The following PXDNL variants were observed in gnomAD, a reference collection of about 807,000 sequenced individuals.
PXDNL encodes probable oxidoreductase PXDNL.
Under a neutral mutation model 150.8 loss-of-function variants are expected in PXDNL, and 145 were observed. The observed-to-expected ratio is 0.96, with a 90% CI of 0.84 to 1.10. The LOEUF is 1.10. Among genes scored for constraint, PXDNL ranks in the 50% least tolerant of loss-of-function variants. The pLI, the probability that PXDNL is intolerant of heterozygous loss-of-function variation, is 0.00. For synonymous variants in PXDNL, 757 were observed against 725.7 expected (o/e 1.04, Z -0.69); for missense variants, 2,087 against 1,873.9 (o/e 1.11, Z -2.10).
At chr8:51,645,374 G>A (rs574244742) in intron 2 of PXDNL, among the ~76,000 whole-genome samples, 4 of 152,238 alleles carry the variant, frequency 2.6e-5, no homozygotes, top group African/African-American at 7.2e-5. Flanking sequence ...GGCATCCTGC[G>A]CCCTGATTAA....
rs909057135 is a variant in PXDNL, at chr8:51,697,356, G to A, written c.165-42596C>T. ...AAGAAATATACTAAATAAGGAAATA[G>A]CAAAGGTAATTATTTTTATTTTCAA... is the stretch of plus-strand genomic sequence containing the variant. On this transcript the variant is annotated intron_variant, in intron 1 of 22. Transcript: ENST00000356297. Among the ~76,000 whole-genome samples the A allele has an allele frequency of 5.6e-4, 85 of 152,132 alleles. 1 individual carries two copies. Among genetic ancestry groups the A allele is most frequent in the Non-Finnish European group, 5.9e-5 (4 of 67,996 alleles).
intron 2 of PXDNL, among the ~76,000 whole-genome samples, chr8:51,639,908 A>T (rs1164109643): frequency 6.6e-6 from 1 of 152,144 alleles, no homozygotes; most frequent in East Asian, 1.9e-4. Context: ...CAAAAAAGAG[A>T]ATTTTAGACC....
chr8:51,615,483 A>AT (rs1336005458), intron 2 of PXDNL, among the ~76,000 whole-genome samples: 1 of 152,148 alleles, frequency 6.6e-6, no homozygotes, highest in Non-Finnish European at 1.5e-5. Flanking sequence ...AGCAAAATTA[A>AT]TTTTTTTAGC....
intron 1 of PXDNL, among the ~76,000 whole-genome samples, chr8:51,768,945 G>GA (rs1485100551): frequency 6.6e-6 from 1 of 152,050 alleles, no homozygotes; most frequent in African/African-American, 2.4e-5. Flanking sequence ...AATAAAAAAT[G>GA]AAAAAAATTA....
chr8:51,336,101 G>A (rs1805824679), intron 21 of PXDNL, among the ~76,000 whole-genome samples: 1 of 152,072 alleles, frequency 6.6e-6, no homozygotes, highest in African/African-American at 2.4e-5. Flanking sequence ...CTGAAGTTTG[G>A]AATCCCCTCA....
chr8:51,397,564 G>A (rs1586069425), intron 17 of PXDNL, among the ~76,000 whole-genome samples: 1 of 152,090 alleles, frequency 6.6e-6, no homozygotes. Flanking sequence ...TAATATGGAG[G>A]TTGCACACAT....
intron 19 of PXDNL, among the ~76,000 whole-genome samples, chr8:51,365,823 C>T (rs1806898209): frequency 6.6e-6 from 1 of 152,136 alleles, no homozygotes; most frequent in African/African-American, 2.4e-5. Flanking sequence ...GGTTTTTAAA[C>T]AAAATTATGG....
chr8:51,420,634 C>T (rs1000424853), intron 14 of PXDNL, among the ~76,000 whole-genome samples: 1 of 152,182 alleles, frequency 6.6e-6, no homozygotes, highest in Non-Finnish European at 1.5e-5. Context: ...TCATTGAATG[C>T]TATCACTATT....
intron 2 of PXDNL, among the ~76,000 whole-genome samples, chr8:51,627,761 C>T (rs938710465): frequency 3.3e-5 from 5 of 152,194 alleles, no homozygotes; most frequent in African/African-American, 1.2e-4. Flanking sequence ...CACCCCCATC[C>T]TGGGTTCAAA....
Position 51,320,025 on chromosome 8 carries a change from G to C in PXDNL, c.4261-3C>G, listed in dbSNP as rs76949148. 4 of 1,496,228 alleles carry C rather than the reference G, an allele frequency of 2.7e-6. No individual in the cohort carries two copies. In the East Asian group the frequency reaches 9.7e-5, roughly 36 times the overall value. The allele number at this position is 1,496,228 out of a possible 1,614,324, so 92.7% of individuals were successfully genotyped here. On this transcript the variant is annotated splice_polypyrimidine_tract_variant and splice_region_variant and intron_variant, in intron 22 of 22. Coordinates refer to ENST00000356297, the MANE Select transcript of PXDNL (RefSeq NM_144651.5). ...ACCACACAGGTGACCTGGCCACTCTGAAAGGCAGCATGCACATATCACCTC... is the reference window on the plus strand; with the variant it reads ...ACCACACAGGTGACCTGGCCACTCTCAAAGGCAGCATGCACATATCACCTC...
chr8:51,340,835 T>G (rs1239411559), intron 20 of PXDNL, among the ~76,000 whole-genome samples: 1 of 152,236 alleles, frequency 6.6e-6, no homozygotes, highest in Admixed American at 6.5e-5. Context: ...ACAGTTTAAA[T>G]ATACAAGTAT....
At chr8:51,652,351 A>G (rs1815057079) in intron 2 of PXDNL, among the ~76,000 whole-genome samples, 1 of 150,470 alleles carries the variant, frequency 6.6e-6, no homozygotes, top group Non-Finnish European at 1.5e-5. Flanking sequence ...TAAGTGTCTC[A>G]TTGCTTAACT....
chr8:51,371,696 G>C (rs551946735), intron 19 of PXDNL, among the ~76,000 whole-genome samples, 177 bp downstream of exon 19: 1 of 152,184 alleles, frequency 6.6e-6, no homozygotes, highest in South Asian at 2.1e-4. Flanking sequence ...GGCAGGTTGG[G>C]AGCCTTTTTC....
chr8:51,562,191 C>A lies in PXDNL; in HGVS notation c.309-5280G>T, dbSNP rs570467025. ...ATCAAACTCATCTACATGTTCTTCA[C>A]CCTGGATAATAACATTACTTTTAAA... On this transcript the variant is annotated intron_variant, in intron 3 of 22. Transcript: ENST00000356297. 2.0e-5 allele frequency among the ~76,000 whole-genome samples: 3 copies of A among 151,324 alleles called. No individual in the cohort carries two copies. In the East Asian group the frequency reaches 5.8e-4, roughly 29 times the overall value.
intron 3 of PXDNL, among the ~76,000 whole-genome samples, chr8:51,572,874 A>G (rs1169018100): frequency 6.6e-6 from 1 of 151,970 alleles, no homozygotes; most frequent in Non-Finnish European, 1.5e-5. Flanking sequence ...ATACAACTAG[A>G]AATCTTGGAC....
intron 3 of PXDNL, among the ~76,000 whole-genome samples, chr8:51,583,486 C>G (rs1259939846): frequency 1.3e-5 from 2 of 152,124 alleles, no homozygotes; most frequent in African/African-American, 4.8e-5. Context: ...GTTGTAATGT[C>G]TCCTCTTCCC....
intron 4 of PXDNL, among the ~76,000 whole-genome samples, chr8:51,544,833 T>C (rs1174897232): frequency 6.6e-6 from 1 of 152,162 alleles, no homozygotes; most frequent in Non-Finnish European, 1.5e-5. Flanking sequence ...CTATTATTTA[T>C]CTCTGCCTTC....
At chr8:51,582,062 G>C (rs945021563) in intron 3 of PXDNL, among the ~76,000 whole-genome samples, 1 of 152,082 alleles carries the variant, frequency 6.6e-6, no homozygotes, top group African/African-American at 2.4e-5. Flanking sequence ...ATACTTTTAA[G>C]TTTCCTATGG....
At chr8:51,652,439 TCACACA>T (rs34305040) in intron 2 of PXDNL, among the ~76,000 whole-genome samples, 22 of 146,846 alleles carry the variant, frequency 1.5e-4, no homozygotes, top group East Asian at 4.1e-4. Flanking sequence ...TCTCTCTCTC[TCACACA>T]CACACACACA....
Sources: allele counts gnomAD v4.1 joint callset (sites outside exome capture counted in the v4.1 genomes callset), GRCh38; gene constraint gnomAD v4.1.1; transcripts MANE v1.5; gene names NCBI Gene and HGNC (gene_info 2026-07-23, HGNC 2026-07-21).